The following SDK2 variants were observed in gnomAD, a reference collection of about 807,000 sequenced individuals.
The protein encoded by SDK2 is sidekick cell adhesion molecule 2.
A neutral mutation model predicts 253.9 loss-of-function variants in SDK2; 105 were observed. The observed-to-expected ratio is 0.41, with a 90% CI of 0.35 to 0.49. SDK2 has a LOEUF of 0.49. Ranked by LOEUF, SDK2 falls within the 20% of genes least tolerant of loss-of-function variation. The probability of loss-of-function intolerance (pLI) is 0.06; values close to 1 mark genes in which losing one functional copy is unlikely to be tolerated. For synonymous variants in SDK2, 1,249 were observed against 1,234.9 expected, an observed-to-expected ratio of 1.01 and a Z score of -0.24; for missense variants, 2,608 against 3,003.0, an observed-to-expected ratio of 0.87 and a Z score of 3.07.
chr17:73,415,801 C>G lies in SDK2; in HGVS notation c.2368+10G>C. On this transcript the variant is annotated intron_variant, in intron 17 of 44. Transcript: ENST00000392650. ...ACCGCGCCTGGTCTGAGACCACAGT[C>G]TCTACCTACCTCCCTGCAGCGTCCA... 8 of 1,550,190 alleles carry G rather than the reference C, an allele frequency of 5.2e-6. No individual in the cohort carries two copies. The highest frequency in any genetic ancestry group is 7.0e-6 in the Non-Finnish European group (8 of 1,145,732).
At chr17:73,542,425 G>A (rs919591676) in intron 1 of SDK2, among the ~76,000 whole-genome samples, 2 of 152,216 alleles carry the variant, frequency 1.3e-5, no homozygotes, top group African/African-American at 4.8e-5. Context: ...GTTGGTGGAG[G>A]GGGCTGGTGA....
chr17:73,580,369 C>A (rs1467223664), intron 1 of SDK2, among the ~76,000 whole-genome samples: 4 of 152,262 alleles, frequency 2.6e-5, no homozygotes, highest in African/African-American at 9.6e-5. Context: ...TCTGTTATAA[C>A]CACTCCCTGG....
chr17:73,373,134 G>GTGCT (rs1157835795), intron 36 of SDK2, among the ~76,000 whole-genome samples: 1 of 152,192 alleles, frequency 6.6e-6, no homozygotes, highest in Non-Finnish European at 1.5e-5. Context: ...TTGTCTTTCT[G>GTGCT]TGCTTGGTAC....
At chr17:73,450,067 G>T (rs1297854302) in intron 4 of SDK2, among the ~76,000 whole-genome samples, 1 of 152,202 alleles carries the variant, frequency 6.6e-6, no homozygotes, top group Non-Finnish European at 1.5e-5. Context: ...CAGGGATAGT[G>T]GTCATTTTCC....
intron 11 of SDK2, 93 bp from the exon 12 acceptor site, chr17:73,430,706 G>T: frequency 2.5e-6 from 2 of 800,314 alleles, no homozygotes; most frequent in Non-Finnish European, 3.7e-6. Context: ...CCCCCAAATG[G>T]TTAAAAAGAA....
Position 73,509,902 on chromosome 17 carries a change from C to CAAAAAAAAAAAAAAAAAAAAAAAAAAAA in SDK2, c.65-2306_65-2305insTTTTTTTTTTTTTTTTTTTTTTTTTTTT, listed in dbSNP as rs71157018. Among the ~76,000 whole-genome samples, 181 of 25,304 alleles carry CAAAAAAAAAAAAAAAAAAAAAAAAAAAA rather than the reference C, an allele frequency of 7.2e-3. 18 individuals carry two copies. The highest frequency in any genetic ancestry group is 9.3e-3 in the Non-Finnish European group (132 of 14,224). The allele number at this position is 25,304 out of a possible 152,430, so 16.6% of individuals were successfully genotyped here. A position where few individuals can be genotyped will look rare whatever the true frequency, so the allele number is the denominator to read the frequency against. ...GCAACAGAGCAAGACTCCATCTCTA[C>CAAAAAAAAAAAAAAAAAAAAAAAAAAAA]AAAAAAAAAAAAAAAAAAAAGAAGG... On this transcript the variant is annotated intron_variant, in intron 1 of 44. Coordinates refer to ENST00000392650, the MANE Select transcript of SDK2 (RefSeq NM_001144952.2).
intron 40 of SDK2, chr17:73,357,536 G>C (rs2062601775): frequency 4.4e-6 from 1 of 227,644 alleles, no homozygotes; most frequent in Non-Finnish European, 8.6e-6. Flanking sequence ...CAGCAAGCGG[G>C]TGTCAGGATG....
intron 1 of SDK2, among the ~76,000 whole-genome samples, chr17:73,524,457 T>C (rs974446639): frequency 1.3e-5 from 2 of 152,188 alleles, no homozygotes; most frequent in Non-Finnish European, 2.9e-5. Flanking sequence ...ATGGGATGTT[T>C]AGTATTCTTG....
At chr17:73,584,741 G>T (rs1399120583) in intron 1 of SDK2, among the ~76,000 whole-genome samples, 1 of 152,212 alleles carries the variant, frequency 6.6e-6, no homozygotes, top group Non-Finnish European at 1.5e-5. Context: ...AAATGGGAGG[G>T]TCAGGCTCCG....
intron 2 of SDK2, among the ~76,000 whole-genome samples, chr17:73,505,536 C>T (rs1400494132): frequency 1.3e-5 from 2 of 151,732 alleles, no homozygotes; most frequent in Non-Finnish European, 2.9e-5. Context: ...ATAGCTGGAC[C>T]TCATCATCGT....
chr17:73,624,015 C>A (rs1163172145), intron 1 of SDK2, among the ~76,000 whole-genome samples: 3 of 152,170 alleles, frequency 2.0e-5, no homozygotes, highest in Non-Finnish European at 4.4e-5. Flanking sequence ...TGGGCAGGGC[C>A]GCTCAGCCTG....
intron 36 of SDK2, among the ~76,000 whole-genome samples, chr17:73,372,918 A>C (rs1242112441): frequency 2.0e-5 from 3 of 152,210 alleles, no homozygotes; most frequent in African/African-American, 7.2e-5. Context: ...GCAAATTTCA[A>C]GTGTACAATA....
chr17:73,372,888 T>C (rs576802030), intron 36 of SDK2, among the ~76,000 whole-genome samples: 9 of 152,360 alleles, frequency 5.9e-5, no homozygotes, highest in African/African-American at 2.2e-4. Context: ...CATCATCTTT[T>C]TGTGGTGAGA....
At chr17:73,347,397 A>G (rs1054043558) in intron 44 of SDK2, among the ~76,000 whole-genome samples, 16 of 152,198 alleles carry the variant, frequency 1.1e-4, no homozygotes, top group African/African-American at 3.9e-4. Flanking sequence ...GTCCCCCACA[A>G]TAAGTTCCTG....
In SDK2 at chr17:73,541,005, C is replaced by T. The variant is rs1335555479; in HGVS notation, c.65-33408G>A. 6.6e-6 allele frequency among the ~76,000 whole-genome samples: 1 copy of T among 152,196 alleles called. No homozygotes were observed. The highest frequency in any genetic ancestry group is 6.5e-5 in the Admixed American group (1 of 15,280). On this transcript the variant is annotated intron_variant, in intron 1 of 44. Transcript: ENST00000392650. This position sits in a 1 kb window ranked among gnomAD's most constrained non-coding sequence, Gnocchi z 4.3. The stretch of plus-strand genomic sequence containing the variant: ...ACCCCAGCCTCCCCTACAGCACTTT[C>T]CTGGCAAATGTGGTCTCGGCCATCA...
intron 3 of SDK2, among the ~76,000 whole-genome samples, chr17:73,458,753 C>T (rs2063545550): frequency 6.6e-6 from 1 of 152,210 alleles, no homozygotes; most frequent in Admixed American, 6.5e-5. Context: ...CGCCTGTAAT[C>T]CCAGCACTTT....
At chr17:73,402,628 G>A (rs2063038181) in intron 18 of SDK2, among the ~76,000 whole-genome samples, 1 of 152,110 alleles carries the variant, frequency 6.6e-6, no homozygotes, top group Non-Finnish European at 1.5e-5. Flanking sequence ...TTTTGAGATG[G>A]GGTCTCACTA....
At position 73,619,172 on chromosome 17, in the gene SDK2, A is replaced by G. The variant is rs2046097866; in HGVS notation, c.64+24853T>C. 2.6e-5 allele frequency among the ~76,000 whole-genome samples: 4 copies of G among 151,922 alleles called. No individual in the cohort carries two copies. The South Asian group carries it at 8.4e-4, about 32-fold the overall frequency. On this transcript the variant is annotated intron_variant, in intron 1 of 44. Coordinates refer to ENST00000392650, the MANE Select transcript of SDK2 (RefSeq NM_001144952.2). Reference sequence around the variant, plus strand: ...ACAGAGCGAGACCCTGTCTCAAAAAAAAAAAAAAAAAGCAAATCCTAGGAG... The same window carrying G: ...ACAGAGCGAGACCCTGTCTCAAAAAGAAAAAAAAAAAGCAAATCCTAGGAG...
chr17:73,393,664 C>T lies in SDK2; in HGVS notation c.3794G>A (p.Gly1265Asp). 2 of 1,600,708 alleles carry T rather than the reference C, an allele frequency of 1.2e-6. No homozygotes were observed. The highest frequency in any genetic ancestry group is 2.2e-5 in the East Asian group (1 of 44,468). ...GNSSRSAQLT[G>D]LGKYVLYEVQ... ...TTCATAGAGCACGTATTTGCCCAAG[C>T]CGGTGAGCTGGGCACTGCGAGACGA... Residue 1265 changes from glycine (G) to aspartate (D), a missense_variant, in exon 27 of 45, where the codon GGC becomes GAC. Around this residue, in one of 2 missense-constraint regions of SDK2, gnomAD observed 1,505 missense variants for 1,859.1 expected, o/e 0.81. Coordinates refer to ENST00000392650, the MANE Select transcript of SDK2 (RefSeq NM_001144952.2).
Sources: allele counts gnomAD v4.1 joint callset (sites outside exome capture counted in the v4.1 genomes callset), GRCh38; gene constraint gnomAD v4.1.1; regional missense constraint gnomAD v4.1.1; non-coding constraint Gnocchi (gnomAD v3.1); transcripts MANE v1.5; gene names NCBI Gene and HGNC (gene_info 2026-07-23, HGNC 2026-07-21).